HMCN1: variants seen among roughly 807,000 people sequenced by gnomAD.
HMCN1 encodes hemicentin 1.
In HMCN1, 321 loss-of-function variants were observed where a neutral mutation model predicts 625.9. The ratio of observed to expected loss-of-function variants is 0.51; its 90% confidence interval spans 0.47 to 0.56. HMCN1 has a LOEUF of 0.56. Ranked by LOEUF, HMCN1 falls within the 20% of genes least tolerant of loss-of-function variation. The probability of loss-of-function intolerance (pLI) is 0.00; values close to 1 mark genes in which losing one functional copy is unlikely to be tolerated. For missense variants in HMCN1, 6,588 were observed against 6,887.3 expected, an observed-to-expected ratio of 0.96 and a Z score of 1.54; for synonymous variants, 2,425 against 2,417.6, an observed-to-expected ratio of 1.00 and a Z score of -0.09.
intron 60 of HMCN1, 108 bp downstream of exon 60, chr1:186,087,753 T>TA (rs1237559114): frequency 1.8e-5 from 23 of 1,277,524 alleles, no homozygotes; most frequent in East Asian, 2.3e-5. Context: ...TGATTTTCAT[T>TA]AAAAAAATAC....
At chr1:185,801,705 G>C (rs1431773420) in intron 1 of HMCN1, among the ~76,000 whole-genome samples, 1 of 152,142 alleles carries the variant, frequency 6.6e-6, no homozygotes, top group Non-Finnish European at 1.5e-5. Flanking sequence ...AAGGTAGAGG[G>C]AAGAACAATC....
At chr1:185,774,466 T>C (rs1026781257) in intron 1 of HMCN1, among the ~76,000 whole-genome samples, 7 of 152,156 alleles carry the variant, frequency 4.6e-5, no homozygotes, top group African/African-American at 1.7e-4. Flanking sequence ...TCCCTGACAG[T>C]GTCTGTTGAG....
Position 185,982,364 on chromosome 1 carries a change from G to A in HMCN1, c.2765G>A (p.Arg922His), listed in dbSNP as rs140928144. 149 of 1,613,480 alleles carry A rather than the reference G, an allele frequency of 9.2e-5. No individual in the cohort carries two copies. In the African/African-American group the frequency reaches 1.4e-3, roughly 15 times the overall value. ...TTAGCTGGAAATCCCATTCCAGAAC[G>A]TCGGTGGATTAAGAATTCAGCTATG... The part of the protein sequence containing the change: ...TLLAGNPIPE[R>H]RWIKNSAMLL... Residue 922 changes from arginine (R) to histidine (H), a missense_variant, in exon 18 of 107, where the codon CGT (arginine) becomes CAT (histidine). Arg to His is a conservative substitution (Grantham distance 29, BLOSUM62 0). Around this residue, in one of 3 missense-constraint regions of HMCN1, gnomAD observed 4,628 missense variants for 4,853.1 expected, o/e 0.95. Transcript: ENST00000271588.
chr1:186,041,128 G>A lies in HMCN1; in HGVS notation c.6296G>A (p.Arg2099Gln), dbSNP rs116409560. 2.2e-5 allele frequency: 36 copies of A among 1,612,448 alleles called. No homozygotes were observed. In the African/African-American group the frequency reaches 3.5e-4, roughly 16 times the overall value. The part of the protein sequence containing the change: ...AGEKQRDIDL[R>Q]VYVPPNIMGE... ...GAAAAGCAAAGGGACATTGACCTCCGAGTATATGGTGAGACATTTTAGTAA... is the reference window on the plus strand; with the variant it reads ...GAAAAGCAAAGGGACATTGACCTCCAAGTATATGGTGAGACATTTTAGTAA... The change falls in exon 40 of 107, where the codon CGA becomes CAA. Residue 2099 changes from arginine (R) to glutamine (Q), a missense_variant. By Grantham distance (43) the Arg-to-Gln change is conservative. Around this residue, in one of 3 missense-constraint regions of HMCN1, gnomAD observed 4,628 missense variants for 4,853.1 expected, o/e 0.95. Coordinates refer to ENST00000271588, the MANE Select transcript of HMCN1 (RefSeq NM_031935.3).
At position 185,738,105 on chromosome 1, in the gene HMCN1, T is replaced by G. The variant is rs571225111; in HGVS notation, c.268+3058T>G. On this transcript the variant is annotated intron_variant, in intron 1 of 106. Transcript: ENST00000271588. ...ACGGTGGTTAAGATGGATTTTCCAC[T>G]TTCACAATCACACTTAATGTATTTA... Among the ~76,000 whole-genome samples the G allele has an allele frequency of 2.6e-5, 4 of 152,318 alleles. No homozygotes were observed. The South Asian group carries it at 8.3e-4, about 32-fold the overall frequency.
In HMCN1 at chr1:186,055,246, A is replaced by G. The variant is rs79269503; in HGVS notation, c.6863-147A>G. The stretch of plus-strand genomic sequence containing the variant: ...GAAGAATTCCGCCTCTCAGCATAAC[A>G]TCATGTCTGTTAGTCCTGGGTCTTT... On this transcript the variant is annotated intron_variant, in intron 44 of 106. Coordinates refer to ENST00000271588, the MANE Select transcript of HMCN1 (RefSeq NM_031935.3). The G allele has an allele frequency of 4.3e-4, 327 of 754,024 alleles. No homozygotes were observed. In the African/African-American group the frequency reaches 5.1e-3, roughly 12 times the overall value. The allele number at this position is 754,024 out of a possible 1,614,324, so 46.7% of individuals were successfully genotyped here.
At chr1:186,083,856 T>G (rs1198101941) in intron 57 of HMCN1, among the ~76,000 whole-genome samples, 1 of 152,164 alleles carries the variant, frequency 6.6e-6, no homozygotes, top group Admixed American at 6.6e-5. Flanking sequence ...AGTAACACAC[T>G]GTAGATGCTT....
intron 105 of HMCN1, among the ~76,000 whole-genome samples, chr1:186,187,036 A>ACACACG (rs1558292244): frequency 3.1e-4 from 47 of 150,176 alleles, no homozygotes; most frequent in Non-Finnish European, 8.9e-5. Context: ...ACACACACAC[A>ACACACG]CGCATGCAAA....
chr1:185,902,094 TCTC>T (rs749341435), intron 4 of HMCN1, among the ~76,000 whole-genome samples: 7 of 151,710 alleles, frequency 4.6e-5, no homozygotes, highest in Non-Finnish European at 8.9e-5. Context: ...AGTTTCTTCT[TCTC>T]TTAATTTTTT....
chr1:185,809,489 A>G (rs1354740441), intron 1 of HMCN1, among the ~76,000 whole-genome samples: 1 of 151,758 alleles, frequency 6.6e-6, no homozygotes. Flanking sequence ...ACATATATAT[A>G]TCACTAGAAA....
Position 186,000,143 on chromosome 1 carries a change from A to G in HMCN1, c.3973A>G (p.Ile1325Val), listed in dbSNP as rs2102062379. Reference sequence around the variant, plus strand: ...CTTGGAAGATGGCACATTGCTGGTTATTGCTTCTGTTACACCCTATGACAA... The same window carrying G: ...CTTGGAAGATGGCACATTGCTGGTTGTTGCTTCTGTTACACCCTATGACAA... ...SILEDGTLLV[I>V]ASVTPYDNGE... The change falls in exon 26 of 107, where the codon ATT (isoleucine) becomes GTT (valine). Residue 1325 changes from isoleucine to valine, a missense_variant. Physicochemically the swap from Ile to Val is conservative, Grantham distance 29 (BLOSUM62 3). This residue lies in a region of HMCN1 where 4,628 missense variants were observed against 4,853.1 expected (regional missense o/e 0.95). Coordinates refer to ENST00000271588, the MANE Select transcript of HMCN1 (RefSeq NM_031935.3). The G allele has an allele frequency of 1.2e-6, 2 of 1,613,168 alleles. No individual in the cohort carries two copies. The highest frequency in any genetic ancestry group is 2.2e-5 in the East Asian group (1 of 44,836).
intron 4 of HMCN1, among the ~76,000 whole-genome samples, chr1:185,894,596 A>G (rs1407425): frequency 0.025 from 3,797 of 152,336 alleles, 81 homozygotes; most frequent in Non-Finnish European, 0.043. Flanking sequence ...GTTTCCATTT[A>G]CATTCCTGTC....
At chr1:185,881,014 CA>C (rs1473266957) in intron 4 of HMCN1, among the ~76,000 whole-genome samples, 1 of 152,236 alleles carries the variant, frequency 6.6e-6, no homozygotes, top group African/African-American at 2.4e-5. Context: ...AGCATCCAGC[CA>C]GTGGTGTCTG....
At chr1:185,747,376 T>G (rs947439590) in intron 1 of HMCN1, among the ~76,000 whole-genome samples, 1 of 151,944 alleles carries the variant, frequency 6.6e-6, no homozygotes, top group Non-Finnish European at 1.5e-5. Flanking sequence ...TGGAGTGCAG[T>G]GGCGTGATCT....
At chr1:186,083,593 A>C (rs1659305244) in intron 57 of HMCN1, among the ~76,000 whole-genome samples, 1 of 151,764 alleles carries the variant, frequency 6.6e-6, no homozygotes, top group Non-Finnish European at 1.5e-5. Flanking sequence ...TAACTTGGAA[A>C]TGGTGGATAA....
At chr1:185,815,469 A>G (rs1659786499) in intron 1 of HMCN1, among the ~76,000 whole-genome samples, 1 of 150,248 alleles carries the variant, frequency 6.7e-6, no homozygotes, top group South Asian at 2.1e-4. Flanking sequence ...CTGCCTATAA[A>G]TGTACTTAAA....
intron 54 of HMCN1, among the ~76,000 whole-genome samples, chr1:186,077,859 C>A (rs1658926366): frequency 6.6e-6 from 1 of 152,136 alleles, no homozygotes; most frequent in Non-Finnish European, 1.5e-5. Flanking sequence ...GAGTAGCAGT[C>A]CCCCTTCTAG....
At chr1:186,070,017 T>C (rs1658387275) in intron 51 of HMCN1, among the ~76,000 whole-genome samples, 1 of 152,196 alleles carries the variant, frequency 6.6e-6, no homozygotes, top group South Asian at 2.1e-4. Context: ...GTCAGTGGCA[T>C]TTCCTTAAGT....
At chr1:186,003,160 G>T (rs1407271837) in intron 28 of HMCN1, among the ~76,000 whole-genome samples, 1 of 152,054 alleles carries the variant, frequency 6.6e-6, no homozygotes, top group Non-Finnish European at 1.5e-5. Flanking sequence ...CTTTAACATG[G>T]TGTGAAAGGG....
Sources: allele counts gnomAD v4.1 joint callset (sites outside exome capture counted in the v4.1 genomes callset), GRCh38; gene constraint gnomAD v4.1.1; regional missense constraint gnomAD v4.1.1; transcripts MANE v1.5; gene names NCBI Gene and HGNC (gene_info 2026-07-23, HGNC 2026-07-21).